The following GALNT11 variants were observed in gnomAD, a reference collection of about 807,000 sequenced individuals.
GALNT11 encodes the protein UDP-GalNAc:polypeptide N-acetylgalactosaminyltransferase 11.
Under a neutral mutation model 72.7 loss-of-function variants are expected in GALNT11, and 47 were observed. That is an observed-to-expected ratio of 0.65 (90% CI 0.51 to 0.82). The LOEUF is 0.82. GALNT11 is among the 40% of genes least tolerant of loss of function. The pLI is 0.00. For missense variants in GALNT11, 677 were observed against 778.4 expected (o/e 0.87, Z 1.55); for synonymous variants, 270 against 286.6 (o/e 0.94, Z 0.58).
intron 1 of GALNT11, among the ~76,000 whole-genome samples, chr7:152,057,371 A>G (rs936677646): frequency 6.8e-6 from 1 of 147,780 alleles, no homozygotes; most frequent in African/African-American, 2.5e-5. Flanking sequence ...CAGTGGTGCC[A>G]TCTCGGTTTA....
intron 8 of GALNT11, among the ~76,000 whole-genome samples, chr7:152,114,650 T>G (rs2088649888): frequency 6.6e-6 from 1 of 151,734 alleles, no homozygotes; most frequent in African/African-American, 2.4e-5. Context: ...AACCTCCACC[T>G]CCTGGGTTCG....
rs1367198344 is a variant in GALNT11, at chr7:152,094,565, A to G, written c.295+43A>G. On this transcript the variant is annotated intron_variant, in intron 2 of 11. Coordinates refer to ENST00000430044, the MANE Select transcript of GALNT11 (RefSeq NM_022087.4). The surrounding 1 kb of genome is among the most constrained non-coding windows in gnomAD (Gnocchi z 4.3). ...ACCAGCATCCATATCAATGTATTTA[A>G]TCACTGGAAGTTTGATTAATTAGTT... 1 of 1,524,042 alleles carries G rather than the reference A, an allele frequency of 6.6e-7. No homozygotes were observed. The highest frequency in any genetic ancestry group is 8.8e-7 in the Non-Finnish European group (1 of 1,135,326). The allele number at this position is 1,524,042 out of a possible 1,614,324, so 94.4% of individuals were successfully genotyped here. A position where few individuals can be genotyped will look rare whatever the true frequency, so the allele number is the denominator to read the frequency against.
Position 152,025,793 on chromosome 7 carries a change from C to T in GALNT11, c.-130C>T. ...GGCCCCGGGGCAGTTCAGCCCGCGC[C>T]GCTCCTGCGGGTCGGACTGGGGCTG... On this transcript the variant is annotated 5_prime_UTR_variant, in exon 1 of 12. Coordinates refer to ENST00000430044, the MANE Select transcript of GALNT11 (RefSeq NM_022087.4). 5.0e-6 allele frequency: 1 copy of T among 201,306 alleles called. No homozygotes were observed. The highest frequency in any genetic ancestry group is 5.1e-5 in the South Asian group (1 of 19,750). The allele number at this position is 201,306 out of a possible 1,614,324, so 12.5% of individuals were successfully genotyped here.
At chr7:152,076,090 A>AC (rs2084956545) in intron 1 of GALNT11, among the ~76,000 whole-genome samples, 5 of 131,714 alleles carry the variant, frequency 3.8e-5, no homozygotes, top group Non-Finnish European at 8.2e-5. Flanking sequence ...AAAAAAAAAA[A>AC]GAAGAAGAGA....
chr7:152,115,849 G>C (rs1475631268), intron 8 of GALNT11, among the ~76,000 whole-genome samples: 1 of 152,170 alleles, frequency 6.6e-6, no homozygotes, highest in African/African-American at 2.4e-5. Flanking sequence ...CTGAGGTCGG[G>C]AGTTTGAGAC....
intron 1 of GALNT11, among the ~76,000 whole-genome samples, chr7:152,061,694 GC>G (rs200985063): frequency 0.052 from 7,880 of 152,162 alleles, 347 homozygotes; most frequent in East Asian, 0.2. Flanking sequence ...TCTACTTATG[GC>G]TAGCCAGTTT....
chr7:152,103,077 A>G, intron 3 of GALNT11, 35 bp from the exon 4 acceptor site: 1 of 1,575,772 alleles, frequency 6.3e-7, no homozygotes, highest in East Asian at 2.3e-5. Context: ...CGAGCCTTTT[A>G]AAATGTCAGA....
chr7:152,049,389 G>C (rs2083286998), intron 1 of GALNT11, among the ~76,000 whole-genome samples: 1 of 152,190 alleles, frequency 6.6e-6, no homozygotes, highest in South Asian at 2.1e-4. Flanking sequence ...TAGACTTATA[G>C]AGGCACTGCC....
chr7:152,109,825 C>T (rs112057289), intron 6 of GALNT11, among the ~76,000 whole-genome samples: 30 of 152,266 alleles, frequency 2.0e-4, no homozygotes, highest in African/African-American at 7.2e-4. Flanking sequence ...TCCACAATCC[C>T]CTCTATCCAG....
intron 1 of GALNT11, among the ~76,000 whole-genome samples, chr7:152,036,472 T>C (rs1220766882): frequency 6.6e-6 from 1 of 152,208 alleles, no homozygotes; most frequent in African/African-American, 2.4e-5. Flanking sequence ...TGTACCATGT[T>C]TTCTTTATCC....
chr7:152,064,442 T>A (rs1005698580), intron 1 of GALNT11, among the ~76,000 whole-genome samples: 15 of 152,248 alleles, frequency 9.9e-5, no homozygotes, highest in Non-Finnish European at 2.9e-5. Context: ...ATTGGAGCAT[T>A]TAGCCCATTT....
intron 1 of GALNT11, among the ~76,000 whole-genome samples, chr7:152,057,684 G>A (rs1201089573): frequency 1.3e-5 from 2 of 152,102 alleles, no homozygotes; most frequent in Admixed American, 6.5e-5. Flanking sequence ...TTTAGTTTTA[G>A]CGTAGCCTTA....
At chr7:152,047,812 G>T (rs931488413) in intron 1 of GALNT11, among the ~76,000 whole-genome samples, 3 of 150,482 alleles carry the variant, frequency 2.0e-5, no homozygotes, top group African/African-American at 7.5e-5. Context: ...TCCATTCCCT[G>T]CTTTTAAACT....
rs1447545508 is a variant in GALNT11, at chr7:152,061,081, G to C, written c.-38-33109G>C. Among the ~76,000 whole-genome samples the C allele has an allele frequency of 6.0e-4, 91 of 152,250 alleles. 1 individual carries two copies. Among genetic ancestry groups the C allele is most frequent in the African/African-American group, 2.0e-3 (82 of 41,540 alleles). ...TCCACAATGGTTGAACTAGTTTACA[G>C]TCCCACCAACAGTGTAAAAGTGTTC... On this transcript the variant is annotated intron_variant, in intron 1 of 11. Coordinates refer to ENST00000430044, the MANE Select transcript of GALNT11 (RefSeq NM_022087.4).
rs577748274 is a variant in GALNT11, at chr7:152,059,675, T to C, written c.-39+33791T>C. On this transcript the variant is annotated intron_variant, in intron 1 of 11. Coordinates refer to ENST00000430044, the MANE Select transcript of GALNT11 (RefSeq NM_022087.4). Reference sequence around the variant, plus strand: ...TAGGTATGTTGTCAGTGAGCAGTGATATTTTGAAAGCAATCTTTCTGATTA... The same window carrying C: ...TAGGTATGTTGTCAGTGAGCAGTGACATTTTGAAAGCAATCTTTCTGATTA... Among the ~76,000 whole-genome samples the C allele has an allele frequency of 3.3e-5, 5 of 152,352 alleles. No individual in the cohort carries two copies. The South Asian group carries it at 6.2e-4, about 19-fold the overall frequency.
At chr7:152,112,551 A>AC (rs1181145287) in intron 7 of GALNT11, among the ~76,000 whole-genome samples, 4 of 152,120 alleles carry the variant, frequency 2.6e-5, no homozygotes, top group African/African-American at 9.7e-5. Flanking sequence ...AAAAAAAAAA[A>AC]AAGAAAAAGC....
chr7:152,073,526 T>C (rs58932599), intron 1 of GALNT11, among the ~76,000 whole-genome samples: 2,941 of 152,354 alleles, frequency 0.019, 90 homozygotes, highest in African/African-American at 0.068. Context: ...TATTCCACAT[T>C]TTCTTTATCT....
At chr7:152,075,433 C>T (rs1265981238) in intron 1 of GALNT11, among the ~76,000 whole-genome samples, 1 of 152,226 alleles carries the variant, frequency 6.6e-6, no homozygotes, top group Admixed American at 6.5e-5. Flanking sequence ...TAAATTTAAC[C>T]TTTCTTATGT....
chr7:152,115,704 A>C (rs1156600048), intron 8 of GALNT11, among the ~76,000 whole-genome samples: 1 of 152,272 alleles, frequency 6.6e-6, no homozygotes, highest in African/African-American at 2.4e-5. Flanking sequence ...TCAAGTGAAA[A>C]TTAGAATTTT....
Sources: allele counts gnomAD v4.1 joint callset (sites outside exome capture counted in the v4.1 genomes callset), GRCh38; gene constraint gnomAD v4.1.1; non-coding constraint Gnocchi (gnomAD v3.1); transcripts MANE v1.5; gene names NCBI Gene and HGNC (gene_info 2026-07-23, HGNC 2026-07-21).